Variants in SNAP29 observed in about 807,000 individuals in gnomAD.
SNAP29 encodes synaptosomal-associated protein 29.
In SNAP29, 13 loss-of-function variants were observed where a neutral mutation model predicts 27.9. The ratio of observed to expected loss-of-function variants is 0.47; its 90% CI spans 0.30 to 0.74. The LOEUF is 0.74. SNAP29 is among the 30% of genes least tolerant of loss of function. The probability of loss-of-function intolerance (pLI) is 0.06; values close to 1 mark genes in which losing one functional copy is unlikely to be tolerated. For missense variants in SNAP29, 368 were observed against 336.5 expected (o/e 1.09, Z -0.73); for synonymous variants, 119 against 127.1 (o/e 0.94, Z 0.43).
Position 20,859,374 on chromosome 22 carries a change from ACTCGCCGGT to A in SNAP29, c.237+31_237+39del, listed in dbSNP as rs758561752. The A allele has an allele frequency of 8.4e-5, 124 of 1,471,162 alleles. No homozygotes were observed. The East Asian group carries it at 2.4e-3, about 29-fold the overall frequency. 91.1% of individuals were successfully genotyped at this position (1,471,162 alleles called of 1,614,324 possible). A position where few individuals can be genotyped will look rare whatever the true frequency, so the allele number is the denominator to read the frequency against. Reference sequence around the variant, plus strand: ...TGAGCCTGGGGCAGGGCTGGTGTGGACTCGCCGGTCTCTGTGCTGTCAAACGGAGACGAG... The same window carrying A: ...TGAGCCTGGGGCAGGGCTGGTGTGGACTCTGTGCTGTCAAACGGAGACGAG... On this transcript the variant is annotated intron_variant, in intron 1 of 4. Transcript: ENST00000215730.
chr22:20,883,340 T>C (rs1928932006), intron 3 of SNAP29, 131 bp from the exon 4 acceptor site: 1 of 679,270 alleles, frequency 1.5e-6, no homozygotes, highest in South Asian at 1.4e-5. Flanking sequence ...CCCTCATCCC[T>C]CTGGATAGCC....
chr22:20,862,057 A>C (rs117389845), intron 1 of SNAP29, among the ~76,000 whole-genome samples: 4,518 of 152,348 alleles, frequency 0.03, 88 homozygotes, highest in Middle Eastern at 0.061. Context: ...GATGTGAGCC[A>C]CTGCGCCCGG....
chr22:20,877,008 T>A (rs572013061), intron 2 of SNAP29, among the ~76,000 whole-genome samples: 1 of 152,222 alleles, frequency 6.6e-6, no homozygotes, highest in Non-Finnish European at 1.5e-5. Flanking sequence ...AGCTCATGCG[T>A]TCCTGTCACA....
In SNAP29 at chr22:20,870,376, A is replaced by G; in HGVS notation, c.277A>G (p.Lys93Glu). Residue 93 changes from lysine to glutamate, a missense_variant, in exon 2 of 5, where the codon AAG becomes GAG. Transcript: ENST00000215730. ...RQRGVLERTE[K>E]MVDKMDQDLK... The stretch of plus-strand genomic sequence containing the variant: ...GCGAGGAGTCCTGGAGCGCACAGAG[A>G]AGATGGTGGACAAGATGGACCAAGA... The G allele has an allele frequency of 6.2e-7, 1 of 1,614,136 alleles. No individual in the cohort carries two copies. Among genetic ancestry groups the G allele is most frequent in the African/African-American group, 1.3e-5 (1 of 75,002 alleles).
chr22:20,881,219 C>A, intron 3 of SNAP29, 85 bp downstream of exon 3: 2 of 948,746 alleles, frequency 2.1e-6, no homozygotes, highest in Non-Finnish European at 3.4e-6. Flanking sequence ...GGGGCAGTGG[C>A]AACCTCTCTG....
At chr22:20,862,829 A>G (rs1458392481) in intron 1 of SNAP29, among the ~76,000 whole-genome samples, 1 of 152,184 alleles carries the variant, frequency 6.6e-6, no homozygotes, top group African/African-American at 2.4e-5. Flanking sequence ...GGAGTCAGGG[A>G]TGACCTACAT....
At chr22:20,875,703 C>T (rs1928723113) in intron 2 of SNAP29, among the ~76,000 whole-genome samples, 3 of 152,116 alleles carry the variant, frequency 2.0e-5, no homozygotes, top group South Asian at 4.1e-4. Flanking sequence ...GCCTGTTATC[C>T]CAACATTTTA....
rs376120244 is a variant in SNAP29, at chr22:20,871,891, A to C, written c.434+1358A>C. Among the ~76,000 whole-genome samples the C allele has an allele frequency of 1.1e-4, 16 of 152,252 alleles. No individual in the cohort carries two copies. In the South Asian group the frequency reaches 2.9e-3, roughly 28 times the overall value. On this transcript the variant is annotated intron_variant, in intron 2 of 4. Coordinates refer to ENST00000215730, the MANE Select transcript of SNAP29 (RefSeq NM_004782.4). ...AGCAAGACTCCGTCTCAAAAAAAAAAAAATTCATGAGATTTTGGTAGACTT... is the reference window on the plus strand; with the variant it reads ...AGCAAGACTCCGTCTCAAAAAAAAACAAATTCATGAGATTTTGGTAGACTT...
At chr22:20,863,314 G>GCTT (rs1555913480) in intron 1 of SNAP29, among the ~76,000 whole-genome samples, 4 of 151,870 alleles carry the variant, frequency 2.6e-5, no homozygotes, top group African/African-American at 7.3e-5. Context: ...CAACTTAGGT[G>GCTT]CCTGGTTACC....
At chr22:20,870,984 C>T (rs1294360939) in intron 2 of SNAP29, 4 of 293,588 alleles carry the variant, frequency 1.4e-5, no homozygotes, top group African/African-American at 6.6e-5. Context: ...CAAAAATTAC[C>T]CAGGCATTGT....
chr22:20,869,165 C>A (rs942047719), intron 1 of SNAP29, among the ~76,000 whole-genome samples: 16 of 152,216 alleles, frequency 1.1e-4, no homozygotes, highest in African/African-American at 3.6e-4. Flanking sequence ...GAGACTGAGG[C>A]AGGAGAATCG....
intron 2 of SNAP29, among the ~76,000 whole-genome samples, chr22:20,871,482 T>TAAA (rs58294079): frequency 3.1e-5 from 2 of 64,140 alleles, no homozygotes; most frequent in East Asian, 4.8e-4. Context: ...TCCCTGTCTC[T>TAAA]AAAAAAAAAA....
Position 20,859,232 on chromosome 22 carries a change from G to A in SNAP29, c.122G>A (p.Arg41Lys), listed in dbSNP as rs767213620. The change falls in exon 1 of 5, where the codon AGG (arginine) becomes AAG (lysine). Residue 41 changes from arginine to lysine, a missense_variant. Arg to Lys is a conservative substitution (Grantham distance 26, BLOSUM62 2). Coordinates refer to ENST00000215730, the MANE Select transcript of SNAP29 (RefSeq NM_004782.4). ...GACGGGCCCGACGCGCCCGCGGACA[G>A]GCAGCAGTACTTGCGGCAGGAGGTC... is the stretch of plus-strand genomic sequence containing the variant. ...LPDGPDAPAD[R>K]QQYLRQEVLR... is the part of the protein sequence containing the mutation. 8 of 1,606,636 alleles carry A rather than the reference G, an allele frequency of 5.0e-6. No homozygotes were observed. In the Admixed American group the frequency reaches 1.4e-4, roughly 27 times the overall value.
At chr22:20,876,063 A>AG (rs1466743848) in intron 2 of SNAP29, among the ~76,000 whole-genome samples, 5 of 151,406 alleles carry the variant, frequency 3.3e-5, no homozygotes, top group African/African-American at 1.2e-4. Flanking sequence ...TGGGAGGCTG[A>AG]GGCAGGAGAA....
At chr22:20,864,344 C>T (rs990778608) in intron 1 of SNAP29, among the ~76,000 whole-genome samples, 6 of 152,208 alleles carry the variant, frequency 3.9e-5, no homozygotes, top group Non-Finnish European at 5.9e-5. Context: ...GGGGCCCACC[C>T]ATCTCTGTGT....
chr22:20,865,224 G>A (rs1928429236), intron 1 of SNAP29, among the ~76,000 whole-genome samples: 1 of 152,064 alleles, frequency 6.6e-6, no homozygotes, highest in Admixed American at 6.6e-5. Flanking sequence ...GCATGGCGGT[G>A]CATGCCTGTA....
intron 1 of SNAP29, among the ~76,000 whole-genome samples, chr22:20,866,206 A>C (rs1250498119): frequency 6.6e-6 from 1 of 152,188 alleles, no homozygotes; most frequent in Non-Finnish European, 1.5e-5. Flanking sequence ...GGGCACCAGC[A>C]CTACCGCCTT....
rs1007916650 is a variant in SNAP29, at chr22:20,871,775, G to A, written c.434+1242G>A. Among the ~76,000 whole-genome samples, 82 of 152,034 alleles carry A rather than the reference G, an allele frequency of 5.4e-4. 2 individuals carry two copies. Among genetic ancestry groups the A allele is most frequent in the Non-Finnish European group, 2.2e-4 (15 of 68,004 alleles). ...CGGGCGCCCGTAGTCCCAGCTACTCGGGAGGCTGAGGCAGGAGAATGGTGT... is the reference window on the plus strand; with the variant it reads ...CGGGCGCCCGTAGTCCCAGCTACTCAGGAGGCTGAGGCAGGAGAATGGTGT... On this transcript the variant is annotated intron_variant, in intron 2 of 4. Transcript: ENST00000215730.
chr22:20,864,453 G>T (rs1293510182), intron 1 of SNAP29, among the ~76,000 whole-genome samples: 3 of 152,120 alleles, frequency 2.0e-5, no homozygotes, highest in Non-Finnish European at 4.4e-5. Context: ...CCATCAAGGT[G>T]TCCCCGGAAC....
Sources: allele counts gnomAD v4.1 joint callset (sites outside exome capture counted in the v4.1 genomes callset), GRCh38; gene constraint gnomAD v4.1.1; transcripts MANE v1.5; gene names NCBI Gene and HGNC (gene_info 2026-07-23, HGNC 2026-07-21).